The following TEPSIN variants were observed in gnomAD, a reference collection of about 807,000 sequenced individuals.
TEPSIN encodes the protein AP-4 complex accessory subunit tepsin.
Under a neutral mutation model 48.5 loss-of-function variants are expected in TEPSIN, and 50 were observed. The ratio of observed to expected loss-of-function variants is 1.03; its 90% confidence interval spans 0.82 to 1.31. TEPSIN has a LOEUF of 1.31. Among genes scored for constraint, TEPSIN ranks in the 50% most tolerant of loss-of-function variants. The pLI, the probability that TEPSIN is intolerant of heterozygous loss-of-function variation, is 0.00. For missense variants in TEPSIN, 838 were observed against 815.9 expected, an observed-to-expected ratio of 1.03 and a Z score of -0.33; for synonymous variants, 392 against 358.8, an observed-to-expected ratio of 1.09 and a Z score of -1.05.
Position 81,231,413 on chromosome 17 carries a change from A to G in TEPSIN, c.1083T>C (p.Ser361=), listed in dbSNP as rs2062605081. The change falls in exon 11 of 13, where the codon AGT becomes AGC. Residue 361 remains serine (S), a synonymous_variant. Transcript: ENST00000637944. ...QLLTCHLRGT[S]ECTQLRALCA... Reference sequence around the variant, plus strand: ...TGCAGCTCACCAGCTGCGTGCATTCACTGGTCCCACGCAGGTGGCAGGTCA... The same window carrying G: ...TGCAGCTCACCAGCTGCGTGCATTCGCTGGTCCCACGCAGGTGGCAGGTCA... The G allele has an allele frequency of 1.9e-6, 3 of 1,555,330 alleles. No homozygotes were observed. The highest frequency in any genetic ancestry group is 2.4e-5 in the South Asian group (2 of 84,480).
At chr17:81,231,305 A>C in intron 11 of TEPSIN, 93 bp downstream of exon 11, 1 of 1,291,366 alleles carries the variant, frequency 7.7e-7, no homozygotes, top group Non-Finnish European at 1.1e-6. Context: ...ACAGGTGTGC[A>C]CACAGGCACA....
chr17:81,229,040 G>A lies in TEPSIN; in HGVS notation c.1670C>T (p.Ala557Val), dbSNP rs750394828. 52 of 1,613,110 alleles carry A rather than the reference G, an allele frequency of 3.2e-5. No homozygotes were observed. The highest frequency in any genetic ancestry group is 9.3e-5 in the African/African-American group (7 of 74,904). Reference sequence around the variant, plus strand: ...GGGAGCATCAGGACAGGACTCTCCCGCAGCAGCCCCAGCCCCCACCAGGCG... The same window carrying A: ...GGGAGCATCAGGACAGGACTCTCCCACAGCAGCCCCAGCCCCCACCAGGCG... Reference protein sequence around the residue: ...CPRLVGAGAAAGESCPDAPRA... With the variant: ...CPRLVGAGAAVGESCPDAPRA... Residue 557 changes from alanine to valine, a missense_variant, in exon 13 of 13, where the codon GCG (alanine) becomes GTG (valine). Ala to Val is a moderately conservative substitution (Grantham distance 64). Coordinates refer to ENST00000637944, the MANE Select transcript of TEPSIN (RefSeq NM_001363764.2).
Position 81,237,053 on chromosome 17 carries a change from G to C in TEPSIN, c.140C>G (p.Pro47Arg). The change falls in exon 3 of 13, where the codon CCG becomes CGG. Residue 47 changes from proline (P) to arginine (R), a missense_variant. By Grantham distance (103) the Pro-to-Arg change is moderately radical. Coordinates refer to ENST00000637944, the MANE Select transcript of TEPSIN (RefSeq NM_001363764.2). ...CTCCAGCAGGCACTGGCTGCTGCCC[G>C]GAGACTCGTGGGAGATTTCTGCGGC... Reference protein sequence around the residue: ...EEIAKISHESPGSSQCLLEYL... With the variant: ...EEIAKISHESRGSSQCLLEYL... The C allele has an allele frequency of 6.3e-7, 1 of 1,594,348 alleles. No homozygotes were observed.
At position 81,237,986 on chromosome 17, in the gene TEPSIN, T is replaced by C. The variant is rs563044889; in HGVS notation, c.49-527A>G. 1.7e-5 allele frequency: 17 copies of C among 998,076 alleles called. No individual in the cohort carries two copies. In the South Asian group the frequency reaches 6.3e-4, roughly 37 times the overall value. 61.8% of individuals were successfully genotyped at this position (998,076 alleles called of 1,614,324 possible). A position where few individuals can be genotyped will look rare whatever the true frequency, so the allele number is the denominator to read the frequency against. The stretch of plus-strand genomic sequence containing the variant: ...CGCTTAGCGCAGACGTACTTATTTG[T>C]TTCATGCTTACTTACTGGCACAAAG... On this transcript the variant is annotated intron_variant, in intron 1 of 12. Transcript: ENST00000637944.
rs562046236 is a variant in TEPSIN at position 81,234,115 on chromosome 17, G to A, written c.308-67C>T. The A allele has an allele frequency of 2.8e-5, 40 of 1,412,228 alleles. No individual in the cohort carries two copies. The highest frequency in any genetic ancestry group is 2.1e-4 in the Middle Eastern group (1 of 4,846). The allele number at this position is 1,412,228 out of a possible 1,614,324, so 87.5% of individuals were successfully genotyped here. On this transcript the variant is annotated intron_variant, in intron 4 of 12. Transcript: ENST00000637944. This position sits in a 1 kb window ranked among gnomAD's most constrained non-coding sequence, Gnocchi z 5.4. ...GGCACCGCTGCTCCCTGTGGAGCACGGTGCCCTGGGCCCACTCCAGGGTGG... is the reference window on the plus strand; with the variant it reads ...GGCACCGCTGCTCCCTGTGGAGCACAGTGCCCTGGGCCCACTCCAGGGTGG...
chr17:81,236,674 T>G, intron 4 of TEPSIN, 34 bp downstream of exon 4: 1 of 1,544,638 alleles, frequency 6.5e-7, no homozygotes, highest in Non-Finnish European at 8.8e-7. Context: ...TCCAAAGCCC[T>G]GGCTCTTCCT....
rs756296219 is a variant in TEPSIN, at chr17:81,233,970, C to T, written c.375+11G>A. On this transcript the variant is annotated intron_variant, in intron 5 of 12. Transcript: ENST00000637944. The surrounding 1 kb of genome is among the most constrained non-coding windows in gnomAD (Gnocchi z 5.8). ...GGGCACCCCGCAGAGCGACACTGCTCCTGGGCTCACCTGCGCGGCCGCGCG... is the reference window on the plus strand; with the variant it reads ...GGGCACCCCGCAGAGCGACACTGCTTCTGGGCTCACCTGCGCGGCCGCGCG... 5.6e-6 allele frequency: 9 copies of T among 1,597,398 alleles called. No homozygotes were observed. The African/African-American group carries it at 8.1e-5, about 14-fold the overall frequency.
Position 81,233,914 on chromosome 17 carries a change from T to G in TEPSIN, c.375+67A>C. ...ACTGCAAACCCCCCAGCTGACATCC[T>G]GGCCCCAATCCCACCCCTCTACAGG... is the stretch of plus-strand genomic sequence containing the variant. On this transcript the variant is annotated intron_variant, in intron 5 of 12. Transcript: ENST00000637944. This position sits in a 1 kb window ranked among gnomAD's most constrained non-coding sequence, Gnocchi z 5.8. The G allele has an allele frequency of 6.6e-7, 1 of 1,519,124 alleles. No individual in the cohort carries two copies. The highest frequency in any genetic ancestry group is 2.4e-5 in the Admixed American group (1 of 42,228). 94.1% of individuals were successfully genotyped at this position (1,519,124 alleles called of 1,614,324 possible). A position where few individuals can be genotyped will look rare whatever the true frequency, so the allele number is the denominator to read the frequency against.
Position 81,228,878 on chromosome 17 carries a change from C to G in TEPSIN, c.*50G>C. The G allele has an allele frequency of 1.2e-6, 2 of 1,603,360 alleles. No homozygotes were observed. Among genetic ancestry groups the G allele is most frequent in the East Asian group, 2.2e-5 (1 of 44,594 alleles). On this transcript the variant is annotated 3_prime_UTR_variant, in exon 13 of 13. Coordinates refer to ENST00000637944, the MANE Select transcript of TEPSIN (RefSeq NM_001363764.2). ...GTTGAGGCTGCTCAGGAAGCACAGA[C>G]CGCCCCAGACAGCAGCTGAAGCTGA... is the stretch of plus-strand genomic sequence containing the variant.
chr17:81,229,115 G>C lies in TEPSIN; in HGVS notation c.1595C>G (p.Ala532Gly). The change falls in exon 13 of 13, where the codon GCG (alanine) becomes GGG (glycine). Residue 532 changes from alanine to glycine, a missense_variant. Ala to Gly is a moderately conservative substitution (Grantham distance 60). Transcript: ENST00000637944. Reference sequence around the variant, plus strand: ...AGCAAACAAGGAGTCGCGGCTCCACGCACAGCTGCTGGGGCCTCTCTTTGG... The same window carrying C: ...AGCAAACAAGGAGTCGCGGCTCCACCCACAGCTGCTGGGGCCTCTCTTTGG... ...DSPKRGPSSC[A>G]WSRDSLFAGM... 1 of 1,613,378 alleles carries C rather than the reference G, an allele frequency of 6.2e-7. No individual in the cohort carries two copies. Among genetic ancestry groups the C allele is most frequent in the South Asian group, 1.1e-5 (1 of 91,066 alleles).
chr17:81,238,417 A>C, intron 1 of TEPSIN: 1 of 282,438 alleles, frequency 3.5e-6, no homozygotes, highest in Non-Finnish European at 5.3e-6. Context: ...AGCCCAGGAA[A>C]GCTCAGGGCT....
At position 81,233,883 on chromosome 17, in the gene TEPSIN, G is replaced by A. The variant is rs1326306010; in HGVS notation, c.375+98C>T. On this transcript the variant is annotated intron_variant, in intron 5 of 12. Coordinates refer to ENST00000637944, the MANE Select transcript of TEPSIN (RefSeq NM_001363764.2). This position sits in a 1 kb window ranked among gnomAD's most constrained non-coding sequence, Gnocchi z 5.8. The stretch of plus-strand genomic sequence containing the variant: ...AGGAGCAGAGGCAGGGGTCCCGGAT[G>A]GGAGAACTGCAAACCCCCCAGCTGA... 18 of 1,420,948 alleles carry A rather than the reference G, an allele frequency of 1.3e-5. No homozygotes were observed. Among genetic ancestry groups the A allele is most frequent in the Non-Finnish European group, 1.7e-5 (18 of 1,057,196 alleles). The allele number at this position is 1,420,948 out of a possible 1,614,324, so 88.0% of individuals were successfully genotyped here.
Position 81,230,659 on chromosome 17 carries a change from G to A in TEPSIN, c.1118C>T (p.Ala373Val). 1.3e-6 allele frequency: 2 copies of A among 1,572,830 alleles called. No homozygotes were observed. Among genetic ancestry groups the A allele is most frequent in the Non-Finnish European group, 1.7e-6 (2 of 1,157,740 alleles). Residue 373 changes from alanine to valine, a missense_variant, in exon 12 of 13, where the codon GCC becomes GTC. By Grantham distance (64) the Ala-to-Val change is moderately conservative (BLOSUM62 0). Transcript: ENST00000637944. The surrounding 1 kb of genome is among the most constrained non-coding windows in gnomAD (Gnocchi z 4.2). Reference protein sequence around the residue: ...CTQLRALCAIASLGSSDLLPQ... With the variant: ...CTQLRALCAIVSLGSSDLLPQ... ...GAGGAGGTCGCTGCTCCCCAGGGAG[G>A]CGATGGCACACAGCGCCCTCTGCGG...
At chr17:81,238,763 G>A in intron 1 of TEPSIN, 1 of 1,304,010 alleles carries the variant, frequency 7.7e-7, no homozygotes, top group South Asian at 2.3e-5. Flanking sequence ...TGTGCCCATC[G>A]CCCTTGCGCT....
At position 81,233,060 on chromosome 17, in the gene TEPSIN, T is replaced by G; in HGVS notation, c.526+372A>C. The G allele has an allele frequency of 3.3e-6, 1 of 303,530 alleles. No homozygotes were observed. Among genetic ancestry groups the G allele is most frequent in the Non-Finnish European group, 6.2e-6 (1 of 161,420 alleles). The allele number at this position is 303,530 out of a possible 1,614,324, so 18.8% of individuals were successfully genotyped here. On this transcript the variant is annotated intron_variant, in intron 7 of 12. Transcript: ENST00000637944. The surrounding 1 kb of genome is among the most constrained non-coding windows in gnomAD (Gnocchi z 5.8). ...TGGCTCTCCTGGCGCTGGTGAGCAGTTGTCCACTGGTACTGCCCCACCTCA... is the reference window on the plus strand; with the variant it reads ...TGGCTCTCCTGGCGCTGGTGAGCAGGTGTCCACTGGTACTGCCCCACCTCA...
At chr17:81,238,837 T>C (rs2062773376) in intron 1 of TEPSIN, 149 bp downstream of exon 1, 1 of 1,350,126 alleles carries the variant, frequency 7.4e-7, no homozygotes, top group African/African-American at 1.5e-5. Flanking sequence ...GGCGGGCAGC[T>C]CAGGGGCGTC....
rs748493533 is a variant in TEPSIN, at chr17:81,229,157, G to A, written c.1553C>T (p.Pro518Leu). Residue 518 changes from proline to leucine, a missense_variant, in exon 13 of 13, where the codon CCA becomes CTA. Physicochemically the swap from Pro to Leu is moderately conservative, Grantham distance 98. Transcript: ENST00000637944. ...ESRRWRPERIPGGTDSPKRGP... is the reference protein window; with the variant it reads ...ESRRWRPERILGGTDSPKRGP... ...TCTCTTTGGGCTGTCCGTGCCCCCT[G>A]GGATCCGTTCAGGTCTCCACCGCCT... is the stretch of plus-strand genomic sequence containing the variant. 1.1e-5 allele frequency: 18 copies of A among 1,612,332 alleles called. No homozygotes were observed. Among genetic ancestry groups the A allele is most frequent in the Admixed American group, 3.3e-5 (2 of 59,872 alleles).
intron 4 of TEPSIN, among the ~76,000 whole-genome samples, chr17:81,235,029 T>C (rs1003941462): frequency 2.6e-5 from 4 of 152,106 alleles, no homozygotes; most frequent in Non-Finnish European, 4.4e-5. Context: ...AGCCCCAAGA[T>C]AACCCTTCTC....
chr17:81,231,538 TG>T (rs764449296), intron 10 of TEPSIN, 39 bp downstream of exon 10: 95 of 1,596,016 alleles, frequency 6.0e-5, no homozygotes, highest in Non-Finnish European at 7.9e-5. Context: ...CGCCCACGGT[TG>T]GGGCTGAGGC....
Sources: gnomAD v4.1 joint callset for allele counts (sites outside exome capture counted in the v4.1 genomes callset) on GRCh38, gnomAD v4.1.1 for gene constraint, Gnocchi (gnomAD v3.1) non-coding constraint, MANE v1.5 for transcripts, NCBI Gene and HGNC (gene_info 2026-07-23, HGNC 2026-07-21) for gene names.